Variants in MAP2K1 observed in about 807,000 individuals in gnomAD.
MAP2K1 encodes the protein dual specificity mitogen-activated protein kinase kinase 1.
Under a neutral mutation model 46.3 loss-of-function variants are expected in MAP2K1, and 16 were observed. The observed-to-expected ratio is 0.35, with a 90% CI of 0.23 to 0.52. The LOEUF is 0.52. Among genes scored for constraint, MAP2K1 ranks in the 20% least tolerant of loss-of-function variants. MAP2K1 has a pLI of 0.94. For synonymous variants in MAP2K1, 183 were observed against 185.6 expected (o/e 0.99, Z 0.11); for missense variants, 263 against 497.1 (o/e 0.53, Z 4.48).
chr15:66,452,500 A>G lies in MAP2K1; in HGVS notation c.568+7793A>G, dbSNP rs375628222. On this transcript the variant is annotated intron_variant, in intron 5 of 10. Transcript: ENST00000307102. Reference sequence around the variant, plus strand: ...GTTCCATGTTAGAATATTTTAATGTATTAGTTTCTAGGAAATAGGAGTAGC... The same window carrying G: ...GTTCCATGTTAGAATATTTTAATGTGTTAGTTTCTAGGAAATAGGAGTAGC... 1.5e-3 allele frequency among the ~76,000 whole-genome samples: 234 copies of G among 152,206 alleles called. 1 individual carries two copies. Among genetic ancestry groups the G allele is most frequent in the African/African-American group, 5.5e-3 (228 of 41,534 alleles).
intron 1 of MAP2K1, 23 bp from the exon 2 acceptor site, chr15:66,435,004 T>G (rs1448830692): frequency 6.6e-7 from 1 of 1,510,202 alleles, no homozygotes; most frequent in Admixed American, 1.7e-5. Flanking sequence ...CAGTATTGAC[T>G]TGTGCTCCCC....
chr15:66,459,489 G>A (rs541043094), intron 5 of MAP2K1, among the ~76,000 whole-genome samples: 4 of 149,876 alleles, frequency 2.7e-5, no homozygotes, highest in South Asian at 2.1e-4. Context: ...ATGGTGGCGG[G>A]TACCTGTAAT....
At chr15:66,443,141 C>T (rs1038489776) in intron 3 of MAP2K1, 139 bp from the exon 4 acceptor site, 6 of 498,956 alleles carry the variant, frequency 1.2e-5, no homozygotes, top group Non-Finnish European at 2.3e-5. Context: ...AGGCTGAGTG[C>T]AGTGGTGTGA....
intron 5 of MAP2K1, among the ~76,000 whole-genome samples, chr15:66,447,900 C>T (rs950697725): frequency 1.3e-5 from 2 of 151,992 alleles, no homozygotes; most frequent in South Asian, 4.2e-4. Context: ...CCTATAATCC[C>T]AGCACTTTGG....
intron 8 of MAP2K1, chr15:66,488,955 C>G: frequency 1.8e-6 from 1 of 568,820 alleles, no homozygotes; most frequent in East Asian, 3.0e-5. Flanking sequence ...TTCAAAATCA[C>G]CCGACAAGTG....
intron 1 of MAP2K1, among the ~76,000 whole-genome samples, chr15:66,402,728 G>A (rs1213134952): frequency 6.6e-6 from 1 of 152,044 alleles, no homozygotes. Context: ...GTTATATCCA[G>A]CAGCTTTGTT....
At chr15:66,391,240 G>C (rs547194744) in intron 1 of MAP2K1, among the ~76,000 whole-genome samples, 34 of 152,182 alleles carry the variant, frequency 2.2e-4, no homozygotes, top group African/African-American at 7.7e-4. Flanking sequence ...TTTCATTGGG[G>C]TGTTCTTAAT....
At chr15:66,456,726 G>C (rs1892174426) in intron 5 of MAP2K1, among the ~76,000 whole-genome samples, 1 of 152,218 alleles carries the variant, frequency 6.6e-6, no homozygotes, top group Non-Finnish European at 1.5e-5. Flanking sequence ...CAGGGGACTA[G>C]TGTTGCCTGG....
Position 66,388,904 on chromosome 15 carries a change from C to CTTT in MAP2K1, c.80+1494_80+1496dup, listed in dbSNP as rs72328500. Reference sequence around the variant, plus strand: ...CATTATTGCATTGCAAACATTTGTTCTTTTTTTTTTTTTTTTTTTGAGTCG... The same window carrying CTTT: ...CATTATTGCATTGCAAACATTTGTTCTTTTTTTTTTTTTTTTTTTTTTGAGTCG... On this transcript the variant is annotated intron_variant, in intron 1 of 10. Transcript: ENST00000307102. Among the ~76,000 whole-genome samples the CTTT allele has an allele frequency of 4.3e-3, 484 of 111,924 alleles. 16 individuals carry two copies. The highest frequency in any genetic ancestry group is 0.011 in the African/African-American group (311 of 29,220). The allele number at this position is 111,924 out of a possible 152,430, so 73.4% of individuals were successfully genotyped here.
At chr15:66,388,392 G>T (rs532339142) in intron 1 of MAP2K1, among the ~76,000 whole-genome samples, 1 of 152,196 alleles carries the variant, frequency 6.6e-6, no homozygotes, top group South Asian at 2.1e-4. Context: ...TTTGGTTGTT[G>T]TTTGCCCAAC....
intron 3 of MAP2K1, among the ~76,000 whole-genome samples, chr15:66,440,930 G>A (rs972547498): frequency 1.9e-4 from 29 of 152,070 alleles, no homozygotes; most frequent in African/African-American, 7.0e-4. Context: ...GAGGTTAAAG[G>A]GAAGAGAGCC....
intron 1 of MAP2K1, among the ~76,000 whole-genome samples, chr15:66,403,742 T>A (rs1300013354): frequency 6.6e-6 from 1 of 152,208 alleles, no homozygotes; most frequent in Non-Finnish European, 1.5e-5. Context: ...AGGTTAATTA[T>A]ATTTCCTTCT....
intron 5 of MAP2K1, among the ~76,000 whole-genome samples, chr15:66,471,023 T>A (rs1454677178): frequency 7.9e-5 from 12 of 152,100 alleles, no homozygotes; most frequent in Admixed American, 7.9e-4. Flanking sequence ...ACACTTGGAT[T>A]CTTTTGAGTT....
chr15:66,485,083 A>G lies in MAP2K1; in HGVS notation c.787A>G (p.Ile263Val). The part of the protein sequence containing the change: ...LVEMAVGRYP[I>V]PPPDAKELEL... ...AGAGATGGCGGTTGGGAGGTATCCC[A>G]TCCCTCCTCCAGATGCCAAGGAGCT... Residue 263 changes from isoleucine to valine, a missense_variant, in exon 7 of 11, where the codon ATC (isoleucine) becomes GTC (valine). Transcript: ENST00000307102. 1.9e-5 allele frequency: 30 copies of G among 1,613,980 alleles called. No individual in the cohort carries two copies. The highest frequency in any genetic ancestry group is 2.5e-5 in the Non-Finnish European group (30 of 1,180,000).
chr15:66,430,605 A>G (rs1271928699), intron 1 of MAP2K1, among the ~76,000 whole-genome samples: 6 of 152,196 alleles, frequency 3.9e-5, no homozygotes, highest in Admixed American at 3.9e-4. Flanking sequence ...GCTCTCTCCT[A>G]GGAGTTAGGA....
intron 1 of MAP2K1, among the ~76,000 whole-genome samples, chr15:66,405,763 C>T (rs1247873560): frequency 1.3e-5 from 2 of 152,192 alleles, no homozygotes; most frequent in African/African-American, 4.8e-5. Context: ...AAGGGCATGT[C>T]CGGATTAGTT....
At chr15:66,425,920 C>T (rs1381919457) in intron 1 of MAP2K1, among the ~76,000 whole-genome samples, 1 of 152,170 alleles carries the variant, frequency 6.6e-6, no homozygotes, top group African/African-American at 2.4e-5. Flanking sequence ...TCAGTCAGGG[C>T]CTTCCACATA....
chr15:66,482,367 C>T (rs1457110327), intron 6 of MAP2K1, among the ~76,000 whole-genome samples: 1 of 152,176 alleles, frequency 6.6e-6, no homozygotes. Flanking sequence ...TTGTAGCTCC[C>T]AACTCCTGAG....
At chr15:66,398,322 G>A (rs2093373193) in intron 1 of MAP2K1, among the ~76,000 whole-genome samples, 1 of 151,940 alleles carries the variant, frequency 6.6e-6, no homozygotes, top group African/African-American at 2.4e-5. Context: ...AGGCTGAGGC[G>A]GGAGGATTGC....
Sources: allele counts gnomAD v4.1 joint callset (sites outside exome capture counted in the v4.1 genomes callset), GRCh38; gene constraint gnomAD v4.1.1; transcripts MANE v1.5; gene names NCBI Gene and HGNC (gene_info 2026-07-23, HGNC 2026-07-21).